Variants in SLC8A1 observed in about 807,000 individuals in gnomAD.
The protein encoded by SLC8A1 is solute carrier family 8 member A1, also known as sodium/calcium exchanger 1.
Under a neutral mutation model 68.3 loss-of-function variants are expected in SLC8A1, and 18 were observed. That is an observed-to-expected ratio of 0.26 (90% CI 0.18 to 0.39). SLC8A1 has a LOEUF of 0.39. SLC8A1 is among the 10% of genes least tolerant of loss of function. SLC8A1 has a pLI of 1.00. For missense variants in SLC8A1, 985 were observed against 1,156.7 expected (o/e 0.85, Z 2.15); for synonymous variants, 475 against 415.5 (o/e 1.14, Z -1.74).
chr2:40,138,025 A>G (rs2040850080), intron 7 of SLC8A1, among the ~76,000 whole-genome samples: 1 of 152,212 alleles, frequency 6.6e-6, no homozygotes, highest in Admixed American at 6.5e-5. Context: ...AAAAATCACC[A>G]GAAATACAAT....
intron 1 of SLC8A1, among the ~76,000 whole-genome samples, chr2:40,481,599 T>C (rs1170610308): frequency 6.6e-6 from 1 of 152,234 alleles, no homozygotes; most frequent in Non-Finnish European, 1.5e-5. Flanking sequence ...TAATACAGTC[T>C]TATACTGAAT....
chr2:40,260,220 A>G (rs964945181), intron 2 of SLC8A1, among the ~76,000 whole-genome samples: 1 of 152,078 alleles, frequency 6.6e-6, no homozygotes, highest in Admixed American at 6.5e-5. Context: ...AATTATCTTC[A>G]CAACCTGTTC....
intron 4 of SLC8A1, among the ~76,000 whole-genome samples, chr2:40,173,533 G>C (rs1396107300): frequency 3.3e-5 from 5 of 152,070 alleles, no homozygotes; most frequent in African/African-American, 1.2e-4. Context: ...CATGTGAAAC[G>C]GCCCACATGA....
At chr2:40,195,765 G>C (rs2052855874) in intron 2 of SLC8A1, 2 of 152,014 alleles carry the variant, frequency 1.3e-5, no homozygotes, top group African/African-American at 4.8e-5. Flanking sequence ...AACAGATCTG[G>C]AGTGAAGACG....
upstream of SLC8A1, among the ~76,000 whole-genome samples, chr2:40,452,666 A>AT (rs372128971): frequency 0.02 from 3,035 of 148,884 alleles, 87 homozygotes; most frequent in Middle Eastern, 0.063. Context: ...TATATCAATG[A>AT]TTTTTTTTTT....
At chr2:40,315,614 C>A (rs933482138) in intron 2 of SLC8A1, among the ~76,000 whole-genome samples, 3 of 151,964 alleles carry the variant, frequency 2.0e-5, no homozygotes, top group Middle Eastern at 3.4e-3. Flanking sequence ...ATGATCCCTG[C>A]TTGAAGAATT....
chr2:40,218,862 C>T (rs2057893778), intron 2 of SLC8A1, among the ~76,000 whole-genome samples: 1 of 152,106 alleles, frequency 6.6e-6, no homozygotes, highest in African/African-American at 2.4e-5. Context: ...CTGGGCTCAC[C>T]CCGAGGCTAA....
intron 2 of SLC8A1, among the ~76,000 whole-genome samples, chr2:40,340,488 G>C (rs536985783): frequency 2.0e-5 from 3 of 152,304 alleles, no homozygotes; most frequent in South Asian, 4.1e-4. Context: ...TTGAACCTGG[G>C]AGGTGGAGCT....
intron 1 of SLC8A1, among the ~76,000 whole-genome samples, chr2:40,445,508 G>T (rs1701282969): frequency 6.6e-6 from 1 of 152,170 alleles, no homozygotes; most frequent in Non-Finnish European, 1.5e-5. Flanking sequence ...CATAGAACTG[G>T]ATTCTACTAT....
At chr2:40,387,461 A>G (rs1479877693) in intron 2 of SLC8A1, among the ~76,000 whole-genome samples, 1 of 151,428 alleles carries the variant, frequency 6.6e-6, no homozygotes, top group Admixed American at 6.6e-5. Flanking sequence ...TGCAAAGCTA[A>G]TTGAAACCAG....
chr2:40,443,604 C>A (rs986471016), intron 1 of SLC8A1, among the ~76,000 whole-genome samples: 12 of 152,148 alleles, frequency 7.9e-5, no homozygotes, highest in African/African-American at 2.7e-4. Flanking sequence ...TCTCTGAGGT[C>A]AGAGCCATGC....
At chr2:40,138,810 T>C (rs1323323809) in intron 7 of SLC8A1, among the ~76,000 whole-genome samples, 2 of 152,188 alleles carry the variant, frequency 1.3e-5, no homozygotes, top group Admixed American at 6.6e-5. Flanking sequence ...GACAAAAAAT[T>C]CAGCTTGTAA....
intron 2 of SLC8A1, among the ~76,000 whole-genome samples, chr2:40,329,944 A>G (rs2076245090): frequency 6.6e-6 from 1 of 152,178 alleles, no homozygotes; most frequent in Non-Finnish European, 1.5e-5. Flanking sequence ...GGAAAGTACT[A>G]TGTAATAAAA....
chr2:40,189,640 T>A (rs1304247735), intron 2 of SLC8A1: 1 of 152,174 alleles, frequency 6.6e-6, no homozygotes, highest in African/African-American at 2.4e-5. Context: ...AAAGTAATAC[T>A]TGCTAATTAT....
intron 2 of SLC8A1, among the ~76,000 whole-genome samples, chr2:40,265,411 C>A (rs907687590): frequency 1.3e-5 from 2 of 152,100 alleles, no homozygotes; most frequent in Admixed American, 6.5e-5. Context: ...CCTTCCACTT[C>A]GAAGAAAATG....
At chr2:40,195,713 G>T in intron 2 of SLC8A1, 1 of 152,008 alleles carries the variant, frequency 6.6e-6, no homozygotes, top group East Asian at 1.9e-4. Flanking sequence ...GTCATGATGG[G>T]AAATGTCTTA....
chr2:40,229,584 A>G (rs1350859848), intron 2 of SLC8A1, among the ~76,000 whole-genome samples: 1 of 152,170 alleles, frequency 6.6e-6, no homozygotes, highest in Non-Finnish European at 1.5e-5. Flanking sequence ...TCTCCTAAAT[A>G]AGTCCTTACA....
At chr2:40,237,672 A>C (rs976210468) in intron 2 of SLC8A1, among the ~76,000 whole-genome samples, 1 of 151,972 alleles carries the variant, frequency 6.6e-6, no homozygotes, top group Non-Finnish European at 1.5e-5. Flanking sequence ...TTGGAGGAGG[A>C]GAGGCGCTCT....
intron 2 of SLC8A1, among the ~76,000 whole-genome samples, chr2:40,182,307 A>C (rs567266841): frequency 6.6e-6 from 1 of 152,320 alleles, no homozygotes; most frequent in East Asian, 1.9e-4. Flanking sequence ...AACTATTATA[A>C]TTATTATAAA....
Sources: allele counts gnomAD v4.1 joint callset (sites outside exome capture counted in the v4.1 genomes callset), GRCh38; gene constraint gnomAD v4.1.1; transcripts MANE v1.5; gene names NCBI Gene and HGNC (gene_info 2026-07-23, HGNC 2026-07-21).